DNAJB6: variants seen among roughly 807,000 people sequenced by gnomAD.
DNAJB6 encodes DnaJ heat shock protein family (Hsp40) member B6.
DNAJB6 carries 16 observed loss-of-function variants against 42.7 expected under a neutral mutation model. The ratio of observed to expected loss-of-function variants is 0.37; its 90% confidence interval spans 0.25 to 0.57. DNAJB6 has a LOEUF of 0.57. Among genes scored for constraint, DNAJB6 ranks in the 20% least tolerant of loss-of-function variants. The probability of loss-of-function intolerance (pLI) is 0.74; values close to 1 mark genes in which losing one functional copy is unlikely to be tolerated. For missense variants in DNAJB6, 347 were observed against 416.8 expected (o/e 0.83, Z 1.46); for synonymous variants, 170 against 163.5 (o/e 1.04, Z -0.30).
At chr7:157,360,968 A>G (rs746518298) in intron 2 of DNAJB6, among the ~76,000 whole-genome samples, 21 of 152,208 alleles carry the variant, frequency 1.4e-4, no homozygotes, top group South Asian at 4.1e-4. Context: ...TAAATATTTT[A>G]GTAGTGTATG....
At chr7:157,349,723 C>T (rs2116896509) in intron 1 of DNAJB6, among the ~76,000 whole-genome samples, 1 of 152,296 alleles carries the variant, frequency 6.6e-6, no homozygotes, top group East Asian at 1.9e-4. Flanking sequence ...CAGCTCACTG[C>T]AACCTCCGCC....
intron 1 of DNAJB6, among the ~76,000 whole-genome samples, chr7:157,347,894 C>G (rs532650063): frequency 6.6e-6 from 1 of 152,204 alleles, no homozygotes; most frequent in Admixed American, 6.5e-5. Flanking sequence ...CTCCCGGGCT[C>G]AAGCGATTCT....
intron 1 of DNAJB6, among the ~76,000 whole-genome samples, chr7:157,354,447 A>G (rs983494600): frequency 2.0e-5 from 3 of 151,348 alleles, no homozygotes; most frequent in Non-Finnish European, 1.5e-5. Flanking sequence ...GTGCCCAGCT[A>G]TTCATTTTTA....
At chr7:157,404,040 C>T (rs941095978) in intron 8 of DNAJB6, among the ~76,000 whole-genome samples, 7 of 152,056 alleles carry the variant, frequency 4.6e-5, no homozygotes, top group African/African-American at 1.7e-4. Flanking sequence ...GATCACAGCT[C>T]ACTGCAGCCT....
chr7:157,415,971 A>G (rs1796098279), intron 9 of DNAJB6, 45 bp from the exon 10 acceptor site: 1 of 1,611,538 alleles, frequency 6.2e-7, no homozygotes, highest in Non-Finnish European at 8.5e-7. Context: ...TTGCTGGGGA[A>G]GCAGTGCTGT....
chr7:157,341,760 C>A (rs934484082), intron 1 of DNAJB6, among the ~76,000 whole-genome samples: 1 of 152,278 alleles, frequency 6.6e-6, no homozygotes, highest in African/African-American at 2.4e-5. Context: ...TAGATTCTTT[C>A]TAGTTTGTGT....
chr7:157,403,031 C>T (rs1019608603), intron 8 of DNAJB6, among the ~76,000 whole-genome samples: 5 of 152,054 alleles, frequency 3.3e-5, no homozygotes, highest in African/African-American at 9.7e-5. Flanking sequence ...GGTCGGGGCG[C>T]GGCTTGGTTT....
intron 5 of DNAJB6, chr7:157,380,435 G>C (rs987432815): frequency 1.3e-5 from 2 of 152,192 alleles, no homozygotes; most frequent in Non-Finnish European, 2.9e-5. Context: ...TAGAACAGTG[G>C]GGGACGGTAA....
intron 5 of DNAJB6, chr7:157,381,745 C>CAT (rs1554462580): frequency 1.3e-5 from 2 of 148,726 alleles, no homozygotes; most frequent in Non-Finnish European, 3.0e-5. Context: ...CACCATTCCT[C>CAT]GTGTGTGTGT....
rs555918064 is a variant in DNAJB6 at position 157,354,503 on chromosome 7, C to T, written c.-26-4044C>T. On this transcript the variant is annotated intron_variant, in intron 1 of 9. Coordinates refer to ENST00000262177, the MANE Select transcript of DNAJB6 (RefSeq NM_058246.4). ...AAAATTATTTTCATTTTTTTGGAGA[C>T]AGGTCTCGCTCTCACCCCAAGCTGG... Among the ~76,000 whole-genome samples, 89 of 151,684 alleles carry T rather than the reference C, an allele frequency of 5.9e-4. 1 individual carries two copies. Among genetic ancestry groups the T allele is most frequent in the African/African-American group, 2.0e-3 (83 of 41,336 alleles).
chr7:157,369,556 T>G, intron 5 of DNAJB6: 1 of 349,996 alleles, frequency 2.9e-6, no homozygotes, highest in Non-Finnish European at 5.6e-6. Context: ...AACAGGGCTT[T>G]CTTACCATTA....
At chr7:157,410,139 G>A in intron 9 of DNAJB6, 138 bp downstream of exon 9, 2 of 1,413,110 alleles carry the variant, frequency 1.4e-6, no homozygotes, top group Non-Finnish European at 9.2e-7. Flanking sequence ...GGGGCGGGAG[G>A]AGGTAGCCTC....
chr7:157,366,355 GT>G, intron 3 of DNAJB6, 146 bp from the exon 4 acceptor site: 2 of 684,158 alleles, frequency 2.9e-6, no homozygotes, highest in Admixed American at 3.1e-5. Flanking sequence ...CTGTTGCTTT[GT>G]TTTGTTTTAA....
intron 5 of DNAJB6, chr7:157,369,113 C>G (rs1298305495): frequency 5.5e-6 from 2 of 366,646 alleles, no homozygotes; most frequent in Non-Finnish European, 1.1e-5. Context: ...TGAAGCTGAG[C>G]AGGCGATTTC....
chr7:157,388,124 GC>G (rs1801165295), intron 8 of DNAJB6, among the ~76,000 whole-genome samples: 2 of 152,228 alleles, frequency 1.3e-5, no homozygotes, highest in Non-Finnish European at 2.9e-5. Context: ...GGGATTACAG[GC>G]GTGAGCCACT....
chr7:157,372,362 C>T (rs1800255730), intron 5 of DNAJB6: 1 of 153,170 alleles, frequency 6.5e-6, no homozygotes, highest in Non-Finnish European at 1.5e-5. Context: ...GGAGCTGGGG[C>T]TCATATCCAG....
chr7:157,345,074 A>G (rs1321889415), intron 1 of DNAJB6, among the ~76,000 whole-genome samples: 6 of 151,364 alleles, frequency 4.0e-5, no homozygotes, highest in African/African-American at 7.3e-5. Context: ...GCTCACTGCA[A>G]CCTCTGCCTT....
At chr7:157,348,524 TA>T (rs1798803717) in intron 1 of DNAJB6, among the ~76,000 whole-genome samples, 2 of 152,200 alleles carry the variant, frequency 1.3e-5, no homozygotes, top group East Asian at 3.8e-4. Flanking sequence ...AACAGTTTCC[TA>T]AATAGCTCTC....
chr7:157,352,938 G>A (rs1268781375), intron 1 of DNAJB6, among the ~76,000 whole-genome samples: 1 of 152,034 alleles, frequency 6.6e-6, no homozygotes, highest in Non-Finnish European at 1.5e-5. Context: ...AAGGCAGGGT[G>A]GTAAATCCTT....
Sources: allele counts gnomAD v4.1 joint callset (sites outside exome capture counted in the v4.1 genomes callset), GRCh38; gene constraint gnomAD v4.1.1; transcripts MANE v1.5; gene names NCBI Gene and HGNC (gene_info 2026-07-23, HGNC 2026-07-21).